NUP54: variants seen among roughly 807,000 people sequenced by gnomAD.
The protein encoded by NUP54 is nucleoporin p54.
In NUP54, 27 loss-of-function variants were observed where a neutral mutation model predicts 66.4. The observed-to-expected ratio is 0.41, with a 90% CI of 0.30 to 0.56. The LOEUF (loss-of-function observed/expected upper bound fraction) is 0.56. Ranked by LOEUF, NUP54 falls within the 20% of genes least tolerant of loss-of-function variation. NUP54 has a pLI of 0.34. For synonymous variants in NUP54, 206 were observed against 210.7 expected, an observed-to-expected ratio of 0.98 and a Z score of 0.19; for missense variants, 486 against 596.3, an observed-to-expected ratio of 0.82 and a Z score of 1.93.
At chr4:76,137,748 C>T (rs756397132) in intron 3 of NUP54, among the ~76,000 whole-genome samples, 45 of 152,108 alleles carry the variant, frequency 3.0e-4, no homozygotes, top group Admixed American at 2.0e-4. Flanking sequence ...TTCAACAAAG[C>T]GAGGAGCAAG....
intron 9 of NUP54, among the ~76,000 whole-genome samples, chr4:76,119,247 A>G (rs1730116608): frequency 6.6e-6 from 1 of 152,194 alleles, no homozygotes; most frequent in Non-Finnish European, 1.5e-5. Context: ...CATACCCCCA[A>G]GACAAATAGT....
intron 8 of NUP54, among the ~76,000 whole-genome samples, chr4:76,126,301 C>T (rs1440543428): frequency 6.6e-6 from 1 of 152,114 alleles, no homozygotes; most frequent in Non-Finnish European, 1.5e-5. Context: ...AGAATTAATC[C>T]CATAATTGTC....
chr4:76,125,316 T>TCACACACACACACACACACA (rs34954421), intron 8 of NUP54, among the ~76,000 whole-genome samples: 10 of 125,284 alleles, frequency 8.0e-5, no homozygotes, highest in African/African-American at 2.5e-4. Context: ...TGAGACTCCA[T>TCACACACACACACACACACA]CACACACACA....
intron 4 of NUP54, among the ~76,000 whole-genome samples, chr4:76,134,718 T>C (rs1013132003): frequency 2.3e-5 from 3 of 130,876 alleles, no homozygotes; most frequent in Non-Finnish European, 3.2e-5. Flanking sequence ...TAATTATAAT[T>C]TATTTCACTA....
chr4:76,119,542 CTTTTTTTTTTT>C (rs11358048), intron 9 of NUP54, among the ~76,000 whole-genome samples: 1 of 143,326 alleles, frequency 7.0e-6, no homozygotes, highest in Non-Finnish European at 1.5e-5. Context: ...AATTTTTTTT[CTTTTTTTTTTT>C]TTTTAGTAGA....
At position 76,118,247 on chromosome 4, in the gene NUP54, C is replaced by T. The variant is rs1730044663; in HGVS notation, c.1165-53G>A. The T allele has an allele frequency of 1.1e-5, 17 of 1,513,766 alleles. 1 individual carries two copies. The Admixed American group carries it at 2.2e-4, about 19-fold the overall frequency. 93.8% of individuals were successfully genotyped at this position (1,513,766 alleles called of 1,614,324 possible). A position where few individuals can be genotyped will look rare whatever the true frequency, so the allele number is the denominator to read the frequency against. On this transcript the variant is annotated intron_variant, in intron 9 of 11. Transcript: ENST00000264883. ...ACAGAATCATCTCTTTTTAGTTATG[C>T]AAGTAGTAGTAGTACAATTAGTTAC...
chr4:76,124,620 A>T lies in NUP54; in HGVS notation c.1164+29T>A, dbSNP rs982985225. The T allele has an allele frequency of 9.0e-6, 9 of 1,000,692 alleles. No individual in the cohort carries two copies. In the Admixed American group the frequency reaches 1.3e-4, roughly 14 times the overall value. 62.0% of individuals were successfully genotyped at this position (1,000,692 alleles called of 1,614,324 possible). A position where few individuals can be genotyped will look rare whatever the true frequency, so the allele number is the denominator to read the frequency against. On this transcript the variant is annotated intron_variant, in intron 9 of 11. Coordinates refer to ENST00000264883, the MANE Select transcript of NUP54 (RefSeq NM_017426.4). ...TTATTTCACACACATAGTCTTATAA[A>T]CACTGGGGGGGAAAATCCAAATTAC...
At chr4:76,138,836 T>C (rs111550412) in intron 3 of NUP54, among the ~76,000 whole-genome samples, 1 of 151,726 alleles carries the variant, frequency 6.6e-6, no homozygotes, top group Non-Finnish European at 1.5e-5. Flanking sequence ...AACAATGAGG[T>C]AGGAAAAAAC....
chr4:76,116,150 A>G (rs1729942140), intron 11 of NUP54, among the ~76,000 whole-genome samples: 1 of 152,246 alleles, frequency 6.6e-6, no homozygotes, highest in Non-Finnish European at 1.5e-5. Context: ...AGGTGTTTAA[A>G]TTATTCCCAG....
intron 9 of NUP54, among the ~76,000 whole-genome samples, chr4:76,123,614 G>A (rs1730333256): frequency 6.6e-6 from 1 of 152,016 alleles, no homozygotes; most frequent in African/African-American, 2.4e-5. Flanking sequence ...CCAGGTTCAA[G>A]CAATTCTCGT....
intron 8 of NUP54, among the ~76,000 whole-genome samples, chr4:76,125,665 G>T (rs1206506581): frequency 2.0e-4 from 4 of 20,468 alleles, no homozygotes; most frequent in Non-Finnish European, 3.6e-4. Flanking sequence ...GGAGAGAGGG[G>T]GAGAGAGGGA....
chr4:76,137,499 A>C (rs1341954838), intron 3 of NUP54, among the ~76,000 whole-genome samples: 1 of 152,216 alleles, frequency 6.6e-6, no homozygotes, highest in East Asian at 1.9e-4. Context: ...TACAAAGTCT[A>C]AAAATCATTG....
rs779762852 is a variant in NUP54, at chr4:76,132,706, T to C, written c.724A>G (p.Ile242Val). ...TLPDDQTEVV[I>V]YVVERSPNGT... ...TTTGGCGAACGCTCAACAACATAAA[T>C]AACAACTTCTGTCCTGAAGGAAGAA... is the stretch of plus-strand genomic sequence containing the variant. The change falls in exon 6 of 12, where the codon ATT becomes GTT. Residue 242 changes from isoleucine (I) to valine (V), a missense_variant. Transcript: ENST00000264883. 3.1e-6 allele frequency: 5 copies of C among 1,612,182 alleles called. No homozygotes were observed. Among genetic ancestry groups the C allele is most frequent in the Non-Finnish European group, 4.2e-6 (5 of 1,179,304 alleles).
At position 76,132,588 on chromosome 4, in the gene NUP54, AG is replaced by A; in HGVS notation, c.841del (p.Leu281PhefsTer3). 6.2e-7 allele frequency: 1 copy of A among 1,614,106 alleles called. No individual in the cohort carries two copies. Among genetic ancestry groups the A allele is most frequent in the East Asian group, 2.2e-5 (1 of 44,868 alleles). Reference sequence around the variant, plus strand: ...AGAAAGTTCTGTTCTAGTCATAGAAAGGGTTACACCAAGTTGCTGCAATTGT... The same window carrying A: ...AGAAAGTTCTGTTCTAGTCATAGAAAGGTTACACCAAGTTGCTGCAATTGT... ...KTQLQQLGVTLSMTRTELSPA... is the reference protein window; with the variant it reads ...KTQLQQLGVTXSMTRTELSPA... On this transcript the variant is annotated frameshift_variant, in exon 6 of 12. Transcript: ENST00000264883. LOFTEE classifies it high-confidence loss of function.
intron 3 of NUP54, among the ~76,000 whole-genome samples, chr4:76,139,896 G>C (rs1443307120): frequency 6.6e-6 from 1 of 152,140 alleles, no homozygotes; most frequent in Non-Finnish European, 1.5e-5. Flanking sequence ...ATAAAGAACA[G>C]TAAGTGTTCA....
At chr4:76,147,568 T>C in intron 1 of NUP54, 2 of 1,289,668 alleles carry the variant, frequency 1.6e-6, no homozygotes, top group Middle Eastern at 2.1e-4. Flanking sequence ...CACTGCAGGA[T>C]TAGCAGTTAA....
intron 3 of NUP54, among the ~76,000 whole-genome samples, chr4:76,140,377 T>C (rs980511874): frequency 6.6e-6 from 1 of 150,376 alleles, no homozygotes; most frequent in African/African-American, 2.4e-5. Context: ...CCTCTGCCTA[T>C]GGGGTTCAAG....
At chr4:76,133,468 G>A (rs556129757) in intron 5 of NUP54, among the ~76,000 whole-genome samples, 8 of 151,890 alleles carry the variant, frequency 5.3e-5, no homozygotes, top group Non-Finnish European at 1.0e-4. Flanking sequence ...ACCACGCCCG[G>A]CTGATTTTTT....
chr4:76,122,196 ATAG>A (rs1560676151), intron 9 of NUP54, among the ~76,000 whole-genome samples: 1 of 152,218 alleles, frequency 6.6e-6, no homozygotes, highest in Non-Finnish European at 1.5e-5. Flanking sequence ...TTACTTGGTC[ATAG>A]TATATTTTTT....
Sources: allele counts gnomAD v4.1 joint callset (sites outside exome capture counted in the v4.1 genomes callset), GRCh38; gene constraint gnomAD v4.1.1; transcripts MANE v1.5; gene names NCBI Gene and HGNC (gene_info 2026-07-23, HGNC 2026-07-21).